PTPRD: variants seen among roughly 807,000 people sequenced by gnomAD.
PTPRD encodes the protein receptor-type tyrosine-protein phosphatase delta.
Under a neutral mutation model 214.5 loss-of-function variants are expected in PTPRD, and 34 were observed. That is an observed-to-expected ratio of 0.16 (90% CI 0.12 to 0.21). The LOEUF is 0.21. PTPRD is among the 10% of genes least tolerant of loss of function. PTPRD has a pLI of 1.00. For synonymous variants in PTPRD, 1,128 were observed against 845.7 expected (o/e 1.33, Z -5.79); for missense variants, 2,545 against 2,398.7 (o/e 1.06, Z -1.27).
chr9:9,647,290 T>C lies in PTPRD; in HGVS notation c.-286-72509A>G, dbSNP rs192721631. Among the ~76,000 whole-genome samples the C allele has an allele frequency of 1.9e-3, 296 of 152,340 alleles. 4 individuals are homozygous for C. The highest frequency in any genetic ancestry group is 1.5e-3 in the Non-Finnish European group (100 of 68,034). On this transcript the variant is annotated intron_variant, in intron 7 of 45. Transcript: ENST00000381196. ...CTTTAAAAAATTAAAGACAATTTAT[T>C]TGATGACTGCTAATTGCAAAATCTA...
At chr9:9,182,344 T>C (rs1038062179) in intron 10 of PTPRD, among the ~76,000 whole-genome samples, 4 of 152,064 alleles carry the variant, frequency 2.6e-5, no homozygotes, top group Non-Finnish European at 4.4e-5. Context: ...TGATATTCTT[T>C]TCTTTAAACT....
chr9:9,178,441 A>T (rs986311976), intron 10 of PTPRD, among the ~76,000 whole-genome samples: 4 of 152,024 alleles, frequency 2.6e-5, no homozygotes, highest in African/African-American at 9.7e-5. Context: ...AAATGATTTG[A>T]ATCACAGATA....
chr9:10,249,235 G>C (rs181730162), intron 3 of PTPRD, among the ~76,000 whole-genome samples: 158 of 152,238 alleles, frequency 1.0e-3, no homozygotes, highest in African/African-American at 3.6e-3. Context: ...CTAAAGACAA[G>C]ATCCAGTGAT....
At chr9:9,216,899 A>G (rs191647164) in intron 9 of PTPRD, among the ~76,000 whole-genome samples, 15 of 152,222 alleles carry the variant, frequency 9.9e-5, no homozygotes, top group African/African-American at 3.6e-4. Flanking sequence ...GGTTACCAAC[A>G]TTTATTGTTT....
chr9:9,375,820 T>A (rs1411050936), intron 9 of PTPRD, among the ~76,000 whole-genome samples: 1 of 152,062 alleles, frequency 6.6e-6, no homozygotes, highest in Non-Finnish European at 1.5e-5. Context: ...TTAATGGATA[T>A]GAAAAGTCAG....
intron 4 of PTPRD, among the ~76,000 whole-genome samples, chr9:10,022,423 T>C (rs1418190830): frequency 1.3e-5 from 2 of 150,392 alleles, no homozygotes; most frequent in Admixed American, 6.6e-5. Flanking sequence ...AATAAATGTT[T>C]GTTGAATGAA....
intron 9 of PTPRD, among the ~76,000 whole-genome samples, chr9:9,324,973 G>C (rs927362870): frequency 2.0e-5 from 3 of 152,076 alleles, no homozygotes; most frequent in Admixed American, 6.6e-5. Flanking sequence ...TCTTGTTTTT[G>C]TCAGGTTTGT....
chr9:9,915,896 C>G (rs779848886), intron 5 of PTPRD, among the ~76,000 whole-genome samples: 3 of 151,876 alleles, frequency 2.0e-5, no homozygotes, highest in East Asian at 1.9e-4. Flanking sequence ...TCAGCCCAAA[C>G]AGGTCTACTC....
At chr9:10,203,114 A>G (rs2099438537) in intron 3 of PTPRD, among the ~76,000 whole-genome samples, 1 of 151,636 alleles carries the variant, frequency 6.6e-6, no homozygotes, top group Admixed American at 6.6e-5. Context: ...GTGGATTTCA[A>G]TCCAAGTGAG....
intron 11 of PTPRD, among the ~76,000 whole-genome samples, chr9:9,016,521 C>A (rs576485251): frequency 6.6e-6 from 1 of 152,004 alleles, no homozygotes; most frequent in African/African-American, 2.4e-5. Flanking sequence ...TGGTTAAAAT[C>A]GGGGAGATGG....
At chr9:9,450,749 G>C (rs1390790587) in intron 8 of PTPRD, among the ~76,000 whole-genome samples, 2 of 33,312 alleles carry the variant, frequency 6.0e-5, no homozygotes, top group African/African-American at 1.8e-4. Flanking sequence ...TACATATTAT[G>C]GGGGGGGGTG....
rs558234181 is a variant in PTPRD, at chr9:8,317,996, T to C, written c.5671-54A>G. On this transcript the variant is annotated intron_variant, in intron 45 of 45. Transcript: ENST00000381196. ...AAAAGAAGGGACCATGAGCATATTT[T>C]AATAGAAAAATAAAAATCAATATTG... The C allele has an allele frequency of 9.6e-6, 14 of 1,455,774 alleles. No homozygotes were observed. In the African/African-American group the frequency reaches 2.5e-4, roughly 26 times the overall value. The allele number at this position is 1,455,774 out of a possible 1,614,324, so 90.2% of individuals were successfully genotyped here.
At position 9,478,117 on chromosome 9, in the gene PTPRD, C is replaced by T. The variant is rs145002249; in HGVS notation, c.-236-80635G>A. Among the ~76,000 whole-genome samples the T allele has an allele frequency of 8.2e-3, 1,114 of 136,540 alleles. 13 individuals carry two copies. The highest frequency in any genetic ancestry group is 0.049 in the Middle Eastern group (13 of 264). 89.6% of individuals were successfully genotyped at this position (136,540 alleles called of 152,430 possible). A position where few individuals can be genotyped will look rare whatever the true frequency, so the allele number is the denominator to read the frequency against. Reference sequence around the variant, plus strand: ...ATAATTTAGGTTTTTTTAGATTATGCGTAAACCTTCTTTGGCCTTGTTACA... The same window carrying T: ...ATAATTTAGGTTTTTTTAGATTATGTGTAAACCTTCTTTGGCCTTGTTACA... On this transcript the variant is annotated intron_variant, in intron 8 of 45. Transcript: ENST00000381196.
intron 35 of PTPRD, among the ~76,000 whole-genome samples, chr9:8,419,234 T>TA (rs367987989): frequency 0.15 from 14,755 of 99,500 alleles, 809 homozygotes; most frequent in African/African-American, 0.21. Context: ...TCCAAAAAAT[T>TA]AAAAAAAAAA....
intron 2 of PTPRD, among the ~76,000 whole-genome samples, chr9:10,350,329 T>A (rs2097160756): frequency 6.6e-6 from 1 of 152,158 alleles, no homozygotes; most frequent in African/African-American, 2.4e-5. Context: ...TAAATAGTCA[T>A]TCTAAACAAT....
chr9:9,764,937 G>A (rs2098694185), intron 6 of PTPRD, among the ~76,000 whole-genome samples: 1 of 152,174 alleles, frequency 6.6e-6, no homozygotes, highest in Admixed American at 6.5e-5. Context: ...CAGGCTCGAG[G>A]TTGAAGCTGC....
intron 5 of PTPRD, 133 bp from the exon 6 acceptor site, chr9:9,766,984 A>C (rs1411870371): frequency 6.6e-6 from 1 of 151,950 alleles, no homozygotes; most frequent in Non-Finnish European, 1.5e-5. Context: ...TCTTCCCATT[A>C]ATTTCAAAAA....
chr9:8,379,100 A>G (rs971570157), intron 37 of PTPRD, among the ~76,000 whole-genome samples: 23 of 152,194 alleles, frequency 1.5e-4, no homozygotes, highest in Admixed American at 1.4e-3. Flanking sequence ...AGTATTTACC[A>G]AAAGAAAAAT....
intron 3 of PTPRD, among the ~76,000 whole-genome samples, chr9:10,268,742 T>G (rs1020985236): frequency 6.6e-6 from 1 of 152,204 alleles, no homozygotes; most frequent in Non-Finnish European, 1.5e-5. Context: ...TTAACCACAA[T>G]GTTGAACAAC....
Sources: gnomAD v4.1 joint callset for allele counts (sites outside exome capture counted in the v4.1 genomes callset) on GRCh38, gnomAD v4.1.1 for gene constraint, MANE v1.5 for transcripts, NCBI Gene and HGNC (gene_info 2026-07-23, HGNC 2026-07-21) for gene names.